NCOA1: variants seen among roughly 807,000 people sequenced by gnomAD.
NCOA1 encodes the protein nuclear receptor coactivator 1.
Under a neutral mutation model 150.9 loss-of-function variants are expected in NCOA1, and 35 were observed. The observed-to-expected ratio is 0.23, with a 90% CI of 0.18 to 0.31. The LOEUF (loss-of-function observed/expected upper bound fraction) is 0.31, where lower values mean the gene tolerates loss of function less well. NCOA1 is among the 10% of genes least tolerant of loss of function. The probability of loss-of-function intolerance (pLI) is 1.00; values close to 1 mark genes in which losing one functional copy is unlikely to be tolerated. For synonymous variants in NCOA1, 590 were observed against 630.0 expected (o/e 0.94, Z 0.95); for missense variants, 1,491 against 1,749.3 (o/e 0.85, Z 2.63).
At chr2:24,745,356 G>A (rs1364745206) in intron 19 of NCOA1, among the ~76,000 whole-genome samples, 1 of 151,892 alleles carries the variant, frequency 6.6e-6, no homozygotes, top group Non-Finnish European at 1.5e-5. Context: ...TAGAGATGGA[G>A]TTTCACCATG....
intron 19 of NCOA1, among the ~76,000 whole-genome samples, chr2:24,749,940 G>T (rs1249793894): frequency 6.6e-6 from 1 of 152,074 alleles, no homozygotes; most frequent in Non-Finnish European, 1.5e-5. Context: ...GCAAGAGGAA[G>T]CTTGAATATG....
chr2:24,729,042 A>G (rs188967958), intron 16 of NCOA1, among the ~76,000 whole-genome samples: 335 of 152,384 alleles, frequency 2.2e-3, no homozygotes, highest in African/African-American at 7.8e-3. Context: ...ACAGTGGGTA[A>G]TAGTGAAAAC....
intron 7 of NCOA1, among the ~76,000 whole-genome samples, chr2:24,673,812 A>T (rs1285062133): frequency 6.6e-6 from 1 of 152,166 alleles, no homozygotes; most frequent in Non-Finnish European, 1.5e-5. Flanking sequence ...TATGTATACC[A>T]TAGAATTTTA....
chr2:24,696,965 A>G (rs1672933710), intron 10 of NCOA1, among the ~76,000 whole-genome samples: 2 of 152,096 alleles, frequency 1.3e-5, no homozygotes, highest in African/African-American at 4.8e-5. Context: ...TAATATTCAC[A>G]AACTGGATTA....
intron 14 of NCOA1, among the ~76,000 whole-genome samples, chr2:24,721,881 T>C (rs998797463): frequency 9.2e-5 from 14 of 152,250 alleles, no homozygotes; most frequent in African/African-American, 1.4e-4. Flanking sequence ...TTTCCATTTG[T>C]GTTTTGTCTT....
intron 11 of NCOA1, among the ~76,000 whole-genome samples, chr2:24,703,671 T>C (rs1673273828): frequency 6.6e-6 from 1 of 152,206 alleles, no homozygotes; most frequent in African/African-American, 2.4e-5. Flanking sequence ...CTTAAGCAGA[T>C]ATATTATGGT....
intron 7 of NCOA1, among the ~76,000 whole-genome samples, chr2:24,674,864 A>G (rs1671835488): frequency 6.6e-6 from 1 of 152,112 alleles, no homozygotes; most frequent in Non-Finnish European, 1.5e-5. Context: ...TCCATAAGAA[A>G]ACTGCTTCAG....
intron 4 of NCOA1, among the ~76,000 whole-genome samples, chr2:24,646,912 TG>T (rs1235909990): frequency 6.6e-6 from 1 of 152,028 alleles, no homozygotes; most frequent in Non-Finnish European, 1.5e-5. Flanking sequence ...AATTAGGGTT[TG>T]CAAAAGCAGA....
At chr2:24,663,449 C>A (rs1032281379) in intron 5 of NCOA1, among the ~76,000 whole-genome samples, 2 of 152,102 alleles carry the variant, frequency 1.3e-5, no homozygotes, top group African/African-American at 4.8e-5. Context: ...CCTCTAGACA[C>A]AGTAGTACAT....
intron 3 of NCOA1, among the ~76,000 whole-genome samples, chr2:24,598,033 GT>G (rs1422342648): frequency 6.6e-6 from 1 of 152,034 alleles, no homozygotes; most frequent in African/African-American, 2.4e-5. Context: ...GCAGTGTTTA[GT>G]TTTTTGTTCT....
chr2:24,597,571 A>G (rs564143095), intron 3 of NCOA1, among the ~76,000 whole-genome samples: 47 of 152,248 alleles, frequency 3.1e-4, no homozygotes, highest in Admixed American at 3.0e-3. Context: ...AGAGTCTGAA[A>G]TCTGTAGAGT....
chr2:24,640,631 C>A (rs754073724), intron 3 of NCOA1, among the ~76,000 whole-genome samples: 1 of 152,150 alleles, frequency 6.6e-6, no homozygotes, highest in African/African-American at 2.4e-5. Context: ...AAGACCCCAT[C>A]TCTAAAACAA....
chr2:24,760,912 G>C (rs576734396), intron 21 of NCOA1, among the ~76,000 whole-genome samples: 5 of 151,990 alleles, frequency 3.3e-5, no homozygotes, highest in Non-Finnish European at 5.9e-5. Flanking sequence ...TAATGGCGCA[G>C]TCTCCACTCA....
chr2:24,566,633 G>T (rs1481508613), intron 2 of NCOA1, among the ~76,000 whole-genome samples: 1 of 152,208 alleles, frequency 6.6e-6, no homozygotes, highest in Non-Finnish European at 1.5e-5. Context: ...TGAAGGTGAG[G>T]CTTCACCAGG....
chr2:24,548,060 A>G (rs891256250), intron 1 of NCOA1, among the ~76,000 whole-genome samples: 6 of 151,752 alleles, frequency 4.0e-5, no homozygotes, highest in Admixed American at 2.0e-4. Context: ...AAGATACACT[A>G]TGTTAAAAAA....
intron 3 of NCOA1, among the ~76,000 whole-genome samples, chr2:24,590,312 C>T (rs978757708): frequency 2.6e-5 from 4 of 152,258 alleles, no homozygotes; most frequent in Non-Finnish European, 5.9e-5. Context: ...TCTCAGTACT[C>T]CCGTTTCTCA....
At chr2:24,554,428 C>T (rs1051182747) in intron 1 of NCOA1, 7 of 151,906 alleles carry the variant, frequency 4.6e-5, no homozygotes, top group African/African-American at 1.7e-4. Context: ...GAAAGGAAAA[C>T]AGCTCTCTCT....
At chr2:24,613,793 C>CTTAT (rs1668745108) in intron 3 of NCOA1, among the ~76,000 whole-genome samples, 1 of 152,116 alleles carries the variant, frequency 6.6e-6, no homozygotes, top group South Asian at 2.1e-4. Flanking sequence ...AGTGGGCTGG[C>CTTAT]TTAGCCTGCT....
At chr2:24,496,511 A>G (rs1009451361) in intron 1 of NCOA1, among the ~76,000 whole-genome samples, 2 of 152,192 alleles carry the variant, frequency 1.3e-5, no homozygotes, top group Admixed American at 1.3e-4. Context: ...TATGTTTTCA[A>G]GAAAGCTTGA....
Sources: allele counts gnomAD v4.1 joint callset (sites outside exome capture counted in the v4.1 genomes callset), GRCh38; gene constraint gnomAD v4.1.1; transcripts MANE v1.5; gene names NCBI Gene and HGNC (gene_info 2026-07-23, HGNC 2026-07-21).